The following PIK3CD variants were observed in gnomAD, a reference collection of about 807,000 sequenced individuals.
The protein encoded by PIK3CD is phosphatidylinositol-4,5-bisphosphate 3-kinase catalytic subunit delta.
Under a neutral mutation model 122.9 loss-of-function variants are expected in PIK3CD, and 20 were observed. The observed-to-expected ratio is 0.16, with a 90% CI of 0.11 to 0.24. The LOEUF is 0.24. PIK3CD is among the 10% of genes least tolerant of loss of function. The pLI is 1.00. For synonymous variants in PIK3CD, 596 were observed against 593.4 expected (o/e 1.00, Z -0.06); for missense variants, 787 against 1,406.3 (o/e 0.56, Z 7.04).
At chr1:9,673,384 C>T (rs551816345) in intron 1 of PIK3CD, among the ~76,000 whole-genome samples, 3 of 152,246 alleles carry the variant, frequency 2.0e-5, no homozygotes, top group Non-Finnish European at 2.9e-5. Flanking sequence ...CTCAGCCTCC[C>T]GTGTAGCTAG....
At chr1:9,656,330 C>G (rs1283287649) in intron 1 of PIK3CD, among the ~76,000 whole-genome samples, 1 of 152,160 alleles carries the variant, frequency 6.6e-6, no homozygotes, top group Non-Finnish European at 1.5e-5. Context: ...ATCCAAATAT[C>G]TGACATCTGA....
intron 1 of PIK3CD, among the ~76,000 whole-genome samples, chr1:9,661,473 C>G (rs559610411): frequency 4.0e-4 from 61 of 152,276 alleles, no homozygotes; most frequent in Middle Eastern, 3.4e-3. Context: ...ACTGCAGCCT[C>G]GACTATATGG....
upstream of PIK3CD, chr1:9,651,666 T>A (rs1267884396): frequency 6.6e-6 from 1 of 151,588 alleles, no homozygotes; most frequent in African/African-American, 2.4e-5. Context: ...AAGTGGGAAG[T>A]GGAGTGTGCG....
At chr1:9,630,737 T>C in the PIK3CD span, among the ~76,000 whole-genome samples, 62 of 110,596 alleles carry the variant, frequency 5.6e-4, no homozygotes, top group African/African-American at 9.7e-4. Flanking sequence ...TGTGTGTGTG[T>C]GTGCAGAAGA....
the PIK3CD span, among the ~76,000 whole-genome samples, chr1:9,640,628 G>C: frequency 6.6e-6 from 1 of 151,962 alleles, no homozygotes; most frequent in Non-Finnish European, 1.5e-5. Context: ...TGGTGTGCTG[G>C]TGCATTCTCC....
chr1:9,668,164 C>T (rs1362084807), intron 1 of PIK3CD, among the ~76,000 whole-genome samples: 1 of 151,956 alleles, frequency 6.6e-6, no homozygotes, highest in Non-Finnish European at 1.5e-5. Flanking sequence ...AACCAACTCC[C>T]CGGGAGTTGG....
In PIK3CD at chr1:9,718,434, G is replaced by A. The variant is rs1647905806; in HGVS notation, c.1021-260G>A. Among the ~76,000 whole-genome samples, 1 of 152,124 alleles carries A rather than the reference G, an allele frequency of 6.6e-6. No individual in the cohort carries two copies. Among genetic ancestry groups the A allele is most frequent in the African/African-American group, 2.4e-5 (1 of 41,410 alleles). On this transcript the variant is annotated intron_variant, in intron 8 of 23. Coordinates refer to ENST00000377346, the MANE Select transcript of PIK3CD (RefSeq NM_005026.5). The surrounding 1 kb of genome is among the most constrained non-coding windows in gnomAD (Gnocchi z 7.2). ...CCTGATGGGGAAACTGAGGCCTGGAGTGGGGAATGGACATGCCCCGAGGTC... is the reference window on the plus strand; with the variant it reads ...CCTGATGGGGAAACTGAGGCCTGGAATGGGGAATGGACATGCCCCGAGGTC...
intron 1 of PIK3CD, chr1:9,672,300 T>C (rs1645353760): frequency 6.6e-6 from 1 of 152,192 alleles, no homozygotes. Flanking sequence ...TCTGGGAAGA[T>C]GTTTATGTTT....
Position 9,724,149 on chromosome 1 carries a change from C to G in PIK3CD, c.2718+57C>G. 6.2e-7 allele frequency: 1 copy of G among 1,613,812 alleles called. No individual in the cohort carries two copies. Among genetic ancestry groups the G allele is most frequent in the Non-Finnish European group, 8.5e-7 (1 of 1,179,998 alleles). ...GGACTTGGCTTCTGGCCCCAGCCTG[C>G]TGGCCCCTCTGCCTAGCACACAGCT... is the stretch of plus-strand genomic sequence containing the variant. On this transcript the variant is annotated intron_variant, in intron 21 of 23. Transcript: ENST00000377346. The surrounding 1 kb of genome is among the most constrained non-coding windows in gnomAD (Gnocchi z 7.3).
rs201266419 is a variant in PIK3CD at position 9,690,790 on chromosome 1, C to G, written c.-137-677C>G. ...GGTGTTGTGCTAAATCGAAGCCCAC[C>G]TAGTGGGCTCTGGGCCGAAGGCTCC... is the stretch of plus-strand genomic sequence containing the variant. On this transcript the variant is annotated intron_variant, in intron 1 of 23. Transcript: ENST00000377346. 8.5e-5 allele frequency among the ~76,000 whole-genome samples: 13 copies of G among 152,274 alleles called. 1 individual carries two copies. The East Asian group carries it at 2.5e-3, about 29-fold the overall frequency.
At chr1:9,693,694 A>G (rs900687094) in intron 2 of PIK3CD, among the ~76,000 whole-genome samples, 2 of 152,124 alleles carry the variant, frequency 1.3e-5, no homozygotes, top group African/African-American at 4.8e-5. Context: ...AATTCTTAAA[A>G]AAAAAAAACT....
At chr1:9,708,623 G>C (rs967743353) in intron 2 of PIK3CD, among the ~76,000 whole-genome samples, 3 of 152,024 alleles carry the variant, frequency 2.0e-5, no homozygotes, top group African/African-American at 7.2e-5. Context: ...CAAGGCAGGT[G>C]GATCACTTGA....
chr1:9,727,707 C>T lies in PIK3CD; in HGVS notation c.*661C>T, dbSNP rs561928923. ...ATAAAGGAGAATCTACGCTGGTCCT[C>T]AGGACGTGTTAAAGAGATCTGGGCC... is the stretch of plus-strand genomic sequence containing the variant. On this transcript the variant is annotated 3_prime_UTR_variant, in exon 24 of 24. Coordinates refer to ENST00000377346, the MANE Select transcript of PIK3CD (RefSeq NM_005026.5). The T allele has an allele frequency of 2.7e-4, 58 of 214,266 alleles. No individual in the cohort carries two copies. The highest frequency in any genetic ancestry group is 4.7e-4 in the Non-Finnish European group (50 of 105,804). 13.3% of individuals were successfully genotyped at this position (214,266 alleles called of 1,614,324 possible).
chr1:9,712,853 T>G (rs1380554810), intron 3 of PIK3CD, among the ~76,000 whole-genome samples: 1 of 150,948 alleles, frequency 6.6e-6, no homozygotes, highest in Non-Finnish European at 1.5e-5. Context: ...CTGGGTAACA[T>G]GACAAAACCC....
chr1:9,721,526 T>C lies in PIK3CD; in HGVS notation c.1894T>C (p.Phe632Leu). 6.2e-7 allele frequency: 1 copy of C among 1,613,834 alleles called. No individual in the cohort carries two copies. The highest frequency in any genetic ancestry group is 8.5e-7 in the Non-Finnish European group (1 of 1,179,992). ...ESYLDCELTK[F>L]LLDRALANRK... is the part of the protein sequence containing the mutation. ...CTACCTGGACTGCGAGCTGACCAAA[T>C]TCCTGCTGGACCGGGCCCTGGCCAA... Residue 632 changes from phenylalanine (F) to leucine (L), a missense_variant, in exon 15 of 24, where the codon TTC becomes CTC. Transcript: ENST00000377346.
intron 3 of PIK3CD, among the ~76,000 whole-genome samples, chr1:9,711,576 C>T (rs1046692939): frequency 3.3e-5 from 5 of 151,868 alleles, no homozygotes; most frequent in African/African-American, 1.2e-4. Flanking sequence ...ATGACTGTGT[C>T]ATCATTTTTT....
chr1:9,635,383 C>T, the PIK3CD span, among the ~76,000 whole-genome samples: 1 of 152,012 alleles, frequency 6.6e-6, no homozygotes, highest in Non-Finnish European at 1.5e-5. Context: ...GATTCTCCCC[C>T]ACTCTCTCTT....
chr1:9,675,195 C>T (rs1645477606), intron 1 of PIK3CD, among the ~76,000 whole-genome samples: 1 of 151,160 alleles, frequency 6.6e-6, no homozygotes, highest in Non-Finnish European at 1.5e-5. Flanking sequence ...ACCATCCTGG[C>T]TAACACGGTG....
rs1310366732 is a variant in PIK3CD, at chr1:9,704,705, G to T, written c.-32-5719G>T. Among the ~76,000 whole-genome samples, 1 of 152,130 alleles carries T rather than the reference G, an allele frequency of 6.6e-6. No individual in the cohort carries two copies. Among genetic ancestry groups the T allele is most frequent in the African/African-American group, 2.4e-5 (1 of 41,432 alleles). On this transcript the variant is annotated intron_variant, in intron 2 of 23. Coordinates refer to ENST00000377346, the MANE Select transcript of PIK3CD (RefSeq NM_005026.5). The surrounding 1 kb of genome is among the most constrained non-coding windows in gnomAD (Gnocchi z 5.0). ...TTTTTGTATTTTGTGTAGAGACAGG[G>T]TTTTACCATGTTTCGCAGGCTGGTC...
Sources: gnomAD v4.1 joint callset for allele counts (sites outside exome capture counted in the v4.1 genomes callset) on GRCh38, gnomAD v4.1.1 for gene constraint, Gnocchi (gnomAD v3.1) non-coding constraint, MANE v1.5 for transcripts, NCBI Gene and HGNC (gene_info 2026-07-23, HGNC 2026-07-21) for gene names.